Variants in NBEAL1 observed in about 807,000 individuals in gnomAD.
NBEAL1 encodes neurobeachin-like protein 1.
A neutral mutation model predicts 351.3 loss-of-function variants in NBEAL1; 273 were observed. That is an observed-to-expected ratio of 0.78 (90% CI 0.70 to 0.86). The LOEUF (loss-of-function observed/expected upper bound fraction) is 0.86. NBEAL1 is among the 40% of genes least tolerant of loss of function. The pLI is 0.00. For synonymous variants in NBEAL1, 1,050 were observed against 1,086.4 expected, an observed-to-expected ratio of 0.97 and a Z score of 0.66; for missense variants, 2,961 against 3,201.3, an observed-to-expected ratio of 0.92 and a Z score of 1.81.
intron 51 of NBEAL1, among the ~76,000 whole-genome samples, chr2:203,207,771 ACTGCGGAAGGC>A (rs1361678738): frequency 6.6e-6 from 1 of 152,222 alleles, no homozygotes; most frequent in Non-Finnish European, 1.5e-5. Context: ...GGACACAAAC[ACTGCGGAAGGC>A]CGCAGGGTCC....
At chr2:203,198,798 A>C (rs1014679306) in intron 48 of NBEAL1, among the ~76,000 whole-genome samples, 3 of 151,210 alleles carry the variant, frequency 2.0e-5, no homozygotes, top group Non-Finnish European at 2.9e-5. Flanking sequence ...GGGAGGTTGT[A>C]GTGAGCTGAG....
Position 203,168,384 on chromosome 2 carries a change from G to A in NBEAL1, c.5997+1024G>A, listed in dbSNP as rs547982016. Reference sequence around the variant, plus strand: ...GTGGATCACCTGAAGTCAGGAGTTCGAGACCACCCTGGCCAACATGGTGAA... The same window carrying A: ...GTGGATCACCTGAAGTCAGGAGTTCAAGACCACCCTGGCCAACATGGTGAA... On this transcript the variant is annotated intron_variant, in intron 38 of 55. Coordinates refer to ENST00000683969, the MANE Select transcript of NBEAL1 (RefSeq NM_001378026.1). Among the ~76,000 whole-genome samples the A allele has an allele frequency of 4.6e-5, 7 of 152,258 alleles. No individual in the cohort carries two copies. In the East Asian group the frequency reaches 7.7e-4, roughly 17 times the overall value.
rs1487927205 is a variant in NBEAL1, at chr2:203,062,117, A to C, written c.515+4664A>C. 2 of 375,444 alleles carry C rather than the reference A, an allele frequency of 5.3e-6. No individual in the cohort carries two copies. The highest frequency in any genetic ancestry group is 1.5e-4 in the East Asian group (2 of 13,372). The allele number at this position is 375,444 out of a possible 1,614,324, so 23.3% of individuals were successfully genotyped here. On this transcript the variant is annotated intron_variant, in intron 6 of 55. Coordinates refer to ENST00000683969, the MANE Select transcript of NBEAL1 (RefSeq NM_001378026.1). The surrounding 1 kb of genome is among the most constrained non-coding windows in gnomAD (Gnocchi z 4.2). ...CATACACATGGTTTTACTTTAGTAGAAACTTTCTTGTTCAGATTAAGATTT... is the reference window on the plus strand; with the variant it reads ...CATACACATGGTTTTACTTTAGTAGCAACTTTCTTGTTCAGATTAAGATTT...
intron 31 of NBEAL1, 47 bp downstream of exon 31, chr2:203,138,795 G>A (rs1446414040): frequency 1.3e-6 from 2 of 1,529,558 alleles, no homozygotes; most frequent in Admixed American, 2.2e-5. Context: ...ATGCAGCATA[G>A]GTATTATTTA....
chr2:203,138,658 A>T lies in NBEAL1; in HGVS notation c.4758A>T (p.Ser1586=). 6.2e-7 allele frequency: 1 copy of T among 1,612,578 alleles called. No homozygotes were observed. The highest frequency in any genetic ancestry group is 8.5e-7 in the Non-Finnish European group (1 of 1,179,558). The change falls in exon 31 of 56, where the codon TCA becomes TCT. Residue 1586 remains serine, a synonymous_variant. Coordinates refer to ENST00000683969, the MANE Select transcript of NBEAL1 (RefSeq NM_001378026.1). ...EDMMLLFDCL[S]VCYSESPVWV... ...TGATGCTGCTCTTTGACTGTCTGTCAGTCTGCTATTCTGAAAGTCCAGTAT... is the reference window on the plus strand; with the variant it reads ...TGATGCTGCTCTTTGACTGTCTGTCTGTCTGCTATTCTGAAAGTCCAGTAT...
intron 31 of NBEAL1, among the ~76,000 whole-genome samples, chr2:203,143,893 A>G (rs1478232144): frequency 6.6e-6 from 1 of 152,090 alleles, no homozygotes; most frequent in East Asian, 1.9e-4. Flanking sequence ...AAAATCAGAC[A>G]AGTTTGCTGC....
chr2:203,105,490 A>G (rs1376002713), intron 12 of NBEAL1, among the ~76,000 whole-genome samples: 1 of 151,780 alleles, frequency 6.6e-6, no homozygotes, highest in Non-Finnish European at 1.5e-5. Context: ...AGCTGAATAT[A>G]TGCTCCCAGT....
At chr2:203,151,691 G>T in intron 35 of NBEAL1, 102 bp downstream of exon 35, 1 of 1,122,202 alleles carries the variant, frequency 8.9e-7, no homozygotes, top group Non-Finnish European at 1.2e-6. Context: ...ACTTATGAAG[G>T]AAGGGTGGCA....
intron 3 of NBEAL1, among the ~76,000 whole-genome samples, chr2:203,047,595 G>T (rs2061249835): frequency 6.6e-6 from 1 of 152,058 alleles, no homozygotes; most frequent in African/African-American, 2.4e-5. Flanking sequence ...CTCTCTGCAG[G>T]TCCCTCTGCT....
rs535709321 is a variant in NBEAL1 at position 203,161,369 on chromosome 2, G to A, written c.5714+3544G>A. On this transcript the variant is annotated intron_variant, in intron 36 of 55. Transcript: ENST00000683969. Reference sequence around the variant, plus strand: ...AAATAGGCCAGGCGTGGTGGTTCACGCCTGTAGTCCCAGCAGTTTGGGAGG... The same window carrying A: ...AAATAGGCCAGGCGTGGTGGTTCACACCTGTAGTCCCAGCAGTTTGGGAGG... Among the ~76,000 whole-genome samples, 4 of 149,050 alleles carry A rather than the reference G, an allele frequency of 2.7e-5. No homozygotes were observed. In the East Asian group the frequency reaches 6.0e-4, roughly 22 times the overall value.
chr2:203,200,234 C>T (rs1478585734), intron 49 of NBEAL1, among the ~76,000 whole-genome samples: 10 of 152,058 alleles, frequency 6.6e-5, no homozygotes, highest in East Asian at 1.9e-4. Flanking sequence ...AAAAATTGGC[C>T]GGGTGTGGTG....
intron 4 of NBEAL1, among the ~76,000 whole-genome samples, chr2:203,050,572 T>C (rs987277678): frequency 1.3e-5 from 2 of 152,246 alleles, no homozygotes; most frequent in East Asian, 1.9e-4. Context: ...TGTTATTATC[T>C]GTGAAAATAA....
chr2:203,183,487 T>C (rs1163448095), intron 44 of NBEAL1, 99 bp downstream of exon 44: 2 of 685,736 alleles, frequency 2.9e-6, no homozygotes, highest in Non-Finnish European at 4.9e-6. Flanking sequence ...TCTAGATTAA[T>C]TTGTAATCTA....
intron 6 of NBEAL1, among the ~76,000 whole-genome samples, chr2:203,063,967 G>GGA (rs2106113385): frequency 1.3e-5 from 2 of 152,264 alleles, no homozygotes; most frequent in Non-Finnish European, 2.9e-5. Flanking sequence ...ACACATCATT[G>GGA]TAAGATTGGA....
intron 12 of NBEAL1, among the ~76,000 whole-genome samples, chr2:203,105,497 C>T (rs2106225605): frequency 6.6e-6 from 1 of 151,982 alleles, no homozygotes; most frequent in Non-Finnish European, 1.5e-5. Context: ...TATATGCTCC[C>T]AGTTGCTTCT....
intron 51 of NBEAL1, among the ~76,000 whole-genome samples, chr2:203,206,874 C>T (rs928074732): frequency 6.6e-6 from 1 of 151,422 alleles, no homozygotes; most frequent in Non-Finnish European, 1.5e-5. Flanking sequence ...CTCTGCCTGG[C>T]CGCCCATCAT....
intron 48 of NBEAL1, among the ~76,000 whole-genome samples, chr2:203,197,615 A>G (rs2065275389): frequency 6.6e-6 from 1 of 152,202 alleles, no homozygotes; most frequent in Non-Finnish European, 1.5e-5. Context: ...CTGAAAAGAT[A>G]TATAAAAATA....
At position 203,139,448 on chromosome 2, in the gene NBEAL1, G is replaced by A. The variant is rs541321983; in HGVS notation, c.4848+700G>A. On this transcript the variant is annotated intron_variant, in intron 31 of 55. Coordinates refer to ENST00000683969, the MANE Select transcript of NBEAL1 (RefSeq NM_001378026.1). ...TTTTGATGTTTCCATTTTTTTATTTGGTGCAGGGAGGTTGGAGTGTGTCTG... is the reference window on the plus strand; with the variant it reads ...TTTTGATGTTTCCATTTTTTTATTTAGTGCAGGGAGGTTGGAGTGTGTCTG... Among the ~76,000 whole-genome samples the A allele has an allele frequency of 2.8e-4, 42 of 150,608 alleles. 1 individual carries two copies. The highest frequency in any genetic ancestry group is 9.7e-4 in the African/African-American group (40 of 41,066).
chr2:203,203,198 A>G (rs1352340665), intron 51 of NBEAL1, among the ~76,000 whole-genome samples: 1 of 150,762 alleles, frequency 6.6e-6, no homozygotes, highest in African/African-American at 2.4e-5. Context: ...TTTTTTTGAG[A>G]TGGCATGATC....
Sources: allele counts gnomAD v4.1 joint callset (sites outside exome capture counted in the v4.1 genomes callset), GRCh38; gene constraint gnomAD v4.1.1; non-coding constraint Gnocchi (gnomAD v3.1); transcripts MANE v1.5; gene names NCBI Gene and HGNC (gene_info 2026-07-23, HGNC 2026-07-21).